TMEM255A: variants seen among roughly 807,000 people sequenced by gnomAD.
TMEM255A encodes transmembrane protein 255A, also known as family with sequence similarity 70, member A.
A neutral mutation model predicts 23.5 loss-of-function variants in TMEM255A; 14 were observed. The observed-to-expected ratio is 0.60, with a 90% CI of 0.39 to 0.93. The LOEUF (loss-of-function observed/expected upper bound fraction) is 0.93, where lower values mean the gene tolerates loss of function less well. TMEM255A is among the 40% of genes least tolerant of loss of function. The pLI, the probability that TMEM255A is intolerant of heterozygous loss-of-function variation, is 0.00. For synonymous variants in TMEM255A, 104 were observed against 100.3 expected (o/e 1.04, Z -0.22); for missense variants, 233 against 261.7 (o/e 0.89, Z 0.76).
At chrX:120,270,086 A>G (rs2057745893) in intron 7 of TMEM255A, among the ~76,000 whole-genome samples, 1 of 111,517 alleles carries the variant, frequency 9.0e-6, no homozygotes, top group African/African-American at 3.3e-5. Flanking sequence ...TGAAGAGAAG[A>G]CAGTCAGGGG....
In TMEM255A at chrX:120,271,567, A is replaced by G. The variant is rs782035926; in HGVS notation, c.676-3180T>C. Among the ~76,000 whole-genome samples the G allele has an allele frequency of 2.8e-4, 31 of 111,692 alleles. No homozygotes were observed. The South Asian group carries it at 5.7e-3, about 20-fold the overall frequency. On this transcript the variant is annotated intron_variant, in intron 7 of 8. Transcript: ENST00000371369. ...AAATTAAGAACGCAGAAACAAATCTATATATCTGCAGTTAATTGATTTTTG... is the reference window on the plus strand; with the variant it reads ...AAATTAAGAACGCAGAAACAAATCTGTATATCTGCAGTTAATTGATTTTTG...
At chrX:120,278,061 C>T (rs1251107992) in intron 6 of TMEM255A, among the ~76,000 whole-genome samples, 1 of 108,646 alleles carries the variant, frequency 9.2e-6, no homozygotes, top group Non-Finnish European at 1.9e-5. Context: ...AGGAAGATCT[C>T]GCTCTCCTCC....
chrX:120,256,490 C>T (rs2057638638), downstream of TMEM255A: 1 of 122,033 alleles, frequency 8.2e-6, no homozygotes, highest in Non-Finnish European at 1.9e-5. Context: ...ATTTTCCTTT[C>T]GGCAAGATTT....
At chrX:120,275,718 A>C (rs1300899857) in intron 7 of TMEM255A, among the ~76,000 whole-genome samples, 1 of 108,616 alleles carries the variant, frequency 9.2e-6, no homozygotes, top group East Asian at 2.9e-4. Context: ...ACCAAAAAAC[A>C]AAACCTGATG....
intron 2 of TMEM255A, among the ~76,000 whole-genome samples, chrX:120,303,789 T>G (rs1242856050): frequency 9.0e-6 from 1 of 111,674 alleles, no homozygotes; most frequent in Admixed American, 9.6e-5. Context: ...AAAGTTATTG[T>G]ATACTTATTT....
intron 2 of TMEM255A, among the ~76,000 whole-genome samples, chrX:120,297,039 A>ATTAT (rs2057993067): frequency 3.0e-4 from 2 of 6,628 alleles, no homozygotes; most frequent in Non-Finnish European, 4.1e-4. Flanking sequence ...TATAATATAT[A>ATTAT]ATATATAATA....
chrX:120,254,155 A>G (rs782807892), downstream of TMEM255A: 3 of 1,211,636 alleles, frequency 2.5e-6, no homozygotes, highest in Admixed American at 2.2e-5. Context: ...ACACCTACTC[A>G]GAAACTTCCT....
intron 1 of TMEM255A, among the ~76,000 whole-genome samples, chrX:120,310,724 A>C (rs1603404960): frequency 1.1e-4 from 2 of 17,531 alleles, no homozygotes; most frequent in Admixed American, 1.2e-3. Context: ...AGAGTTGCGC[A>C]ACCCGCCCCC....
intron 2 of TMEM255A, among the ~76,000 whole-genome samples, chrX:120,297,137 T>C (rs1355914551): frequency 2.2e-5 from 1 of 44,969 alleles, no homozygotes; most frequent in Non-Finnish European, 3.5e-5. Flanking sequence ...TATAATATTA[T>C]ATATATTATA....
chrX:120,254,613 A>G (rs368913424), downstream of TMEM255A: 1 of 1,209,880 alleles, frequency 8.3e-7, no homozygotes, highest in Non-Finnish European at 1.1e-6. Context: ...TAGAAATACT[A>G]ATGATCCAGG....
At chrX:120,254,756 T>C, downstream of TMEM255A, 14 of 1,211,774 alleles carry the variant, frequency 1.2e-5, no homozygotes, top group Non-Finnish European at 1.5e-5. Flanking sequence ...TAGTGATCCC[T>C]GTCAAAGATG....
downstream of TMEM255A, chrX:120,254,614 A>G (rs1360578532): frequency 1.7e-6 from 2 of 1,209,925 alleles, no homozygotes; most frequent in African/African-American, 3.5e-5. Flanking sequence ...AGAAATACTA[A>G]TGATCCAGGC....
chrX:120,302,141 G>A (rs2058037078), intron 2 of TMEM255A, among the ~76,000 whole-genome samples: 1 of 110,420 alleles, frequency 9.1e-6, no homozygotes, highest in African/African-American at 3.3e-5. Context: ...GCAAACACAC[G>A]CCCCCACTGC....
At chrX:120,280,982 G>A (rs925546228) in intron 6 of TMEM255A, among the ~76,000 whole-genome samples, 8 of 112,343 alleles carry the variant, frequency 7.1e-5, no homozygotes, top group African/African-American at 2.6e-4. Flanking sequence ...GACTCCCATA[G>A]TCTATTCCTC....
intron 6 of TMEM255A, among the ~76,000 whole-genome samples, chrX:120,279,271 G>T (rs1190225741): frequency 2.7e-5 from 3 of 112,012 alleles, no homozygotes; most frequent in Admixed American, 9.4e-5. Flanking sequence ...CACCACACTT[G>T]GCCCATAGTG....
chrX:120,292,496 C>T (rs2057922761), intron 3 of TMEM255A, among the ~76,000 whole-genome samples: 3 of 111,252 alleles, frequency 2.7e-5, no homozygotes, highest in South Asian at 3.8e-4. Flanking sequence ...CAGTGGATCA[C>T]GCCTGTAATC....
intron 3 of TMEM255A, among the ~76,000 whole-genome samples, chrX:120,293,129 G>A (rs1207987344): frequency 8.9e-6 from 1 of 112,410 alleles, no homozygotes; most frequent in Non-Finnish European, 1.9e-5. Context: ...GAGCTATTAC[G>A]TTATCTGATT....
intron 2 of TMEM255A, among the ~76,000 whole-genome samples, chrX:120,294,976 G>A (rs970246734): frequency 1.8e-5 from 2 of 111,639 alleles, no homozygotes; most frequent in Non-Finnish European, 3.8e-5. Context: ...TGGACAGAAA[G>A]CATTCATTAA....
In TMEM255A at chrX:120,304,351, T is replaced by C. The variant is rs2058050228; in HGVS notation, c.199A>G (p.Ile67Val). The change falls in exon 2 of 9, where the codon ATT becomes GTT. Residue 67 changes from isoleucine to valine, a missense_variant and splice_region_variant. Transcript: ENST00000371369. ...VTVGGYYPGV[I>V]LGFGSFLGII... ...CTACCTGTGCCTTCTATACTTACAA[T>C]AACTCCGGGGTAATAACCTCCTACA... 8.3e-7 allele frequency: 1 copy of C among 1,206,288 alleles called. No homozygotes were observed. The highest frequency in any genetic ancestry group is 1.8e-5 in the South Asian group (1 of 56,088).
Sources: gnomAD v4.1 joint callset for allele counts (sites outside exome capture counted in the v4.1 genomes callset) on GRCh38, gnomAD v4.1.1 for gene constraint, MANE v1.5 for transcripts, NCBI Gene and HGNC (gene_info 2026-07-23, HGNC 2026-07-21) for gene names.